The following TTLL7 variants were observed in gnomAD, a reference collection of about 807,000 sequenced individuals.
TTLL7 encodes the protein tubulin polyglutamylase TTLL7.
A neutral mutation model predicts 120.2 loss-of-function variants in TTLL7; 53 were observed. The observed-to-expected ratio is 0.44, with a 90% CI of 0.35 to 0.55. The LOEUF is 0.55. Among genes scored for constraint, TTLL7 ranks in the 20% least tolerant of loss-of-function variants. The pLI is 0.00. For missense variants in TTLL7, 803 were observed against 1,054.7 expected (o/e 0.76, Z 3.31); for synonymous variants, 353 against 351.7 (o/e 1.00, Z -0.04).
At position 83,906,411 on chromosome 1, in the gene TTLL7, C is replaced by A. The variant is rs755091025; in HGVS notation, c.2045G>T (p.Ser682Ile). 6.2e-7 allele frequency: 1 copy of A among 1,612,306 alleles called. No individual in the cohort carries two copies. The highest frequency in any genetic ancestry group is 8.5e-7 in the Non-Finnish European group (1 of 1,178,994). The stretch of plus-strand genomic sequence containing the variant: ...GTCTTTGAGAACAAATAAGGTCTGA[C>A]TTGTTAGATCATCTTCTTGTTCTTT... ...KTKEQEDDLT[S>I]QTLFVLKDMK... Residue 682 changes from serine to isoleucine, a missense_variant, in exon 17 of 21, where the codon AGT becomes ATT. Coordinates refer to ENST00000260505, the MANE Select transcript of TTLL7 (RefSeq NM_024686.6).
intron 1 of TTLL7, among the ~76,000 whole-genome samples, chr1:83,976,246 C>T (rs1651479333): frequency 6.6e-6 from 1 of 152,008 alleles, no homozygotes; most frequent in Non-Finnish European, 1.5e-5. Context: ...TTTATCTTAT[C>T]TTGGATTGTC....
intron 1 of TTLL7, among the ~76,000 whole-genome samples, chr1:83,962,568 G>A (rs1650103097): frequency 6.6e-6 from 1 of 152,084 alleles, no homozygotes; most frequent in South Asian, 2.1e-4. Flanking sequence ...CCATTCACTA[G>A]TTCTTCCTTA....
chr1:83,951,497 C>T (rs1045006806), intron 3 of TTLL7, among the ~76,000 whole-genome samples: 4 of 152,044 alleles, frequency 2.6e-5, no homozygotes, highest in Non-Finnish European at 5.9e-5. Context: ...TTTGTCAGGT[C>T]AGTCACATAT....
chr1:83,948,817 A>G, intron 4 of TTLL7, 122 bp from the exon 5 acceptor site: 1 of 647,050 alleles, frequency 1.5e-6, no homozygotes, highest in Middle Eastern at 3.3e-4. Context: ...TTATTAATCT[A>G]AAAGATTTAA....
At chr1:83,924,277 C>T (rs6694752) in intron 10 of TTLL7, among the ~76,000 whole-genome samples, 77,125 of 152,068 alleles carry the variant, frequency 0.51, 20,305 homozygotes, top group Non-Finnish European at 0.59. Flanking sequence ...GTAAACCATT[C>T]TGTCTCAGCA....
chr1:83,950,981 GAC>G (rs1648985744), intron 3 of TTLL7, among the ~76,000 whole-genome samples: 1 of 152,156 alleles, frequency 6.6e-6, no homozygotes, highest in African/African-American at 2.4e-5. Context: ...GTATATGAGA[GAC>G]ACTGCCTGCA....
chr1:83,952,361 T>C lies in TTLL7; in HGVS notation c.-150A>G. On this transcript the variant is annotated 5_prime_UTR_variant, in exon 2 of 21. Transcript: ENST00000260505. ...TTGGTGGAATCCTCAGATTTCAGGA[T>C]ACCAAAGTTATGGGATAACAAGGTA... The C allele has an allele frequency of 1.4e-6, 1 of 737,550 alleles. No homozygotes were observed. The highest frequency in any genetic ancestry group is 3.3e-5 in the Admixed American group (1 of 30,452). 45.7% of individuals were successfully genotyped at this position (737,550 alleles called of 1,614,324 possible).
intron 7 of TTLL7, among the ~76,000 whole-genome samples, chr1:83,941,006 A>G (rs1647908035): frequency 6.6e-6 from 1 of 152,076 alleles, no homozygotes; most frequent in Non-Finnish European, 1.5e-5. Context: ...CTTATTCTAT[A>G]CTTTAGCCAA....
At chr1:83,905,962 C>T (rs535725141) in intron 17 of TTLL7, among the ~76,000 whole-genome samples, 77 of 152,062 alleles carry the variant, frequency 5.1e-4, no homozygotes, top group Admixed American at 1.2e-3. Flanking sequence ...TTTCATCATA[C>T]CCCATTCCAT....
chr1:83,999,129 G>C lies in TTLL7; in HGVS notation c.-375C>G. ...TCCGGTGCTCGACGCGGAGTGCCTGGAACAGCTGTCGCTGCCCAAGCGGGT... is the reference window on the plus strand; with the variant it reads ...TCCGGTGCTCGACGCGGAGTGCCTGCAACAGCTGTCGCTGCCCAAGCGGGT... On this transcript the variant is annotated 5_prime_UTR_variant, in exon 1 of 21. Coordinates refer to ENST00000260505, the MANE Select transcript of TTLL7 (RefSeq NM_024686.6). 2.3e-6 allele frequency: 1 copy of C among 427,552 alleles called. No individual in the cohort carries two copies. Among genetic ancestry groups the C allele is most frequent in the African/African-American group, 2.1e-5 (1 of 46,726 alleles). 26.5% of individuals were successfully genotyped at this position (427,552 alleles called of 1,614,324 possible). A position where few individuals can be genotyped will look rare whatever the true frequency, so the allele number is the denominator to read the frequency against.
At chr1:83,925,756 T>C (rs1195802595) in intron 10 of TTLL7, among the ~76,000 whole-genome samples, 4 of 152,210 alleles carry the variant, frequency 2.6e-5, no homozygotes, top group Non-Finnish European at 5.9e-5. Context: ...TTTTAACAAC[T>C]GAGCTACTTA....
chr1:83,945,588 AGAT>A (rs1648410146), intron 6 of TTLL7, among the ~76,000 whole-genome samples: 2 of 152,336 alleles, frequency 1.3e-5, no homozygotes, highest in Admixed American at 1.3e-4. Flanking sequence ...ACAATTCAAT[AGAT>A]GAGAGAGGTG....
chr1:83,875,117 G>A (rs1473630877), intron 20 of TTLL7, among the ~76,000 whole-genome samples: 2 of 151,788 alleles, frequency 1.3e-5, no homozygotes, highest in Non-Finnish European at 2.9e-5. Context: ...TTAAGTAACT[G>A]AACATTCCTA....
chr1:83,969,490 A>G (rs1043897113), intron 1 of TTLL7, among the ~76,000 whole-genome samples: 8 of 152,014 alleles, frequency 5.3e-5, no homozygotes, highest in African/African-American at 2.4e-5. Context: ...AAAGCAATTT[A>G]TTAGTCTCCT....
In TTLL7 at chr1:83,922,781, AAAG is replaced by A. The variant is rs1658792615; in HGVS notation, c.1143-1390_1143-1388del. 1.3e-5 allele frequency among the ~76,000 whole-genome samples: 2 copies of A among 150,810 alleles called. 1 individual carries two copies. Among genetic ancestry groups the A allele is most frequent in the Non-Finnish European group, 3.0e-5 (2 of 67,704 alleles). ...GGGCATAATTATATTTGTATATGTTAAAGATTATGCTCTTGGCAGTATATACAG... is the reference window on the plus strand; with the variant it reads ...GGGCATAATTATATTTGTATATGTTAATTATGCTCTTGGCAGTATATACAG... On this transcript the variant is annotated intron_variant, in intron 10 of 20. Transcript: ENST00000260505.
intron 20 of TTLL7, among the ~76,000 whole-genome samples, chr1:83,877,025 A>T (rs1653986868): frequency 6.6e-6 from 1 of 151,966 alleles, no homozygotes; most frequent in African/African-American, 2.4e-5. Flanking sequence ...GTTTGTTGTA[A>T]GTTTTTCTTA....
chr1:83,894,512 G>C (rs777434995), intron 18 of TTLL7, among the ~76,000 whole-genome samples: 51 of 152,210 alleles, frequency 3.4e-4, no homozygotes, highest in Non-Finnish European at 4.1e-4. Flanking sequence ...ACATTACTTA[G>C]AGGAGATTCT....
intron 17 of TTLL7, among the ~76,000 whole-genome samples, chr1:83,905,950 T>A (rs1262185379): frequency 6.6e-6 from 1 of 152,018 alleles, no homozygotes; most frequent in Non-Finnish European, 1.5e-5. Context: ...CAGCCCCACA[T>A]TTTTCATCAT....
chr1:83,874,420 A>T (rs1244438931), intron 20 of TTLL7, among the ~76,000 whole-genome samples: 1 of 151,982 alleles, frequency 6.6e-6, no homozygotes, highest in African/African-American at 2.4e-5. Flanking sequence ...CTTATAAATA[A>T]TGCTTCTGTG....
Sources: gnomAD v4.1 joint callset for allele counts (sites outside exome capture counted in the v4.1 genomes callset) on GRCh38, gnomAD v4.1.1 for gene constraint, MANE v1.5 for transcripts, NCBI Gene and HGNC (gene_info 2026-07-23, HGNC 2026-07-21) for gene names.